The following ANKFN1 variants were observed in gnomAD, a reference collection of about 807,000 sequenced individuals.
ANKFN1 encodes ankyrin repeat and fibronectin type III domain containing 1, also known as ankyrin repeat and fibronectin type-III domain-containing protein 1.
A neutral mutation model predicts 108.7 loss-of-function variants in ANKFN1; 74 were observed. That is an observed-to-expected ratio of 0.68 (90% CI 0.56 to 0.83). The LOEUF is 0.83. Among genes scored for constraint, ANKFN1 ranks in the 40% least tolerant of loss-of-function variants. The pLI is 0.00. For synonymous variants in ANKFN1, 547 were observed against 516.2 expected, an observed-to-expected ratio of 1.06 and a Z score of -0.81; for missense variants, 1,505 against 1,382.3, an observed-to-expected ratio of 1.09 and a Z score of -1.41.
intron 14 of ANKFN1, among the ~76,000 whole-genome samples, chr17:56,460,270 T>C (rs561691328): frequency 2.1e-4 from 32 of 152,122 alleles, no homozygotes; most frequent in African/African-American, 7.5e-4. Flanking sequence ...CTGAGCAACA[T>C]GGCAAAACCC....
At position 56,288,084 on chromosome 17, in the gene ANKFN1, A is replaced by T. The variant is rs185817589; in HGVS notation, c.54-38137A>T. 3.2e-3 allele frequency among the ~76,000 whole-genome samples: 491 copies of T among 152,070 alleles called. 3 individuals carry two copies. The highest frequency in any genetic ancestry group is 0.011 in the African/African-American group (468 of 41,478). On this transcript the variant is annotated intron_variant, in intron 3 of 20. Coordinates refer to ENST00000682825, the MANE Select transcript of ANKFN1 (RefSeq NM_001370326.1). ...TTTTTTTTAATTTTAAAATTCTTTA[A>T]TCAATTTCCTAATTTTTCCACAATG...
intron 18 of ANKFN1, among the ~76,000 whole-genome samples, chr17:56,482,815 A>G (rs568641388): frequency 1.3e-5 from 2 of 152,208 alleles, no homozygotes; most frequent in South Asian, 4.1e-4. Context: ...CTTTCTTAAA[A>G]CGTAAATATA....
At chr17:56,201,033 C>A (rs1260077981) in intron 1 of ANKFN1, among the ~76,000 whole-genome samples, 1 of 152,142 alleles carries the variant, frequency 6.6e-6, no homozygotes, top group Non-Finnish European at 1.5e-5. Context: ...AATGGTGGAG[C>A]CCTCACAGTC....
At chr17:56,462,185 G>A (rs1488717997) in intron 14 of ANKFN1, 3 of 152,254 alleles carry the variant, frequency 2.0e-5, no homozygotes, top group Non-Finnish European at 4.4e-5. Context: ...GGTGAGGGAG[G>A]TAAGAGCGGT....
chr17:56,368,850 T>C (rs1350247243), intron 6 of ANKFN1, among the ~76,000 whole-genome samples: 1 of 152,210 alleles, frequency 6.6e-6, no homozygotes, highest in African/African-American at 2.4e-5. Context: ...CTGAGGTGTA[T>C]ACATAAGAAT....
intron 4 of ANKFN1, among the ~76,000 whole-genome samples, chr17:56,143,377 G>A (rs142849502): frequency 5.9e-5 from 9 of 152,178 alleles, no homozygotes; most frequent in Non-Finnish European, 1.2e-4. Context: ...CACACAAGCA[G>A]CCCCTCCTTG....
At chr17:56,390,887 C>T (rs369817830) in intron 8 of ANKFN1, among the ~76,000 whole-genome samples, 2 of 152,094 alleles carry the variant, frequency 1.3e-5, no homozygotes, top group East Asian at 3.9e-4. Flanking sequence ...CCAGGCCTAT[C>T]ATAAGTGCTA....
At chr17:56,402,747 T>C (rs759360430) in intron 8 of ANKFN1, among the ~76,000 whole-genome samples, 3 of 152,126 alleles carry the variant, frequency 2.0e-5, no homozygotes, top group Admixed American at 6.6e-5. Context: ...TCTGCTGTGT[T>C]TGGGTTTGGT....
At chr17:56,446,202 C>T (rs2049281727) in intron 10 of ANKFN1, among the ~76,000 whole-genome samples, 2 of 152,254 alleles carry the variant, frequency 1.3e-5, no homozygotes, top group South Asian at 4.1e-4. Flanking sequence ...AAGAGACAGG[C>T]CTATTTCAGC....
At chr17:56,081,064 T>C (rs1488540027) in intron 4 of ANKFN1, among the ~76,000 whole-genome samples, 2 of 152,128 alleles carry the variant, frequency 1.3e-5, no homozygotes, top group Non-Finnish European at 2.9e-5. Flanking sequence ...TTGCCTCCTT[T>C]TAAAATGATT....
intron 8 of ANKFN1, among the ~76,000 whole-genome samples, chr17:56,404,936 G>A (rs762384719): frequency 6.6e-6 from 1 of 152,176 alleles, no homozygotes; most frequent in Non-Finnish European, 1.5e-5. Flanking sequence ...TCTCTTCTGG[G>A]TCTAGCAACC....
At chr17:56,376,946 G>A (rs1355518283) in intron 8 of ANKFN1, among the ~76,000 whole-genome samples, 2 of 151,968 alleles carry the variant, frequency 1.3e-5, no homozygotes, top group Non-Finnish European at 2.9e-5. Context: ...TTAATTCAGG[G>A]GTTGAAGTAA....
At chr17:56,456,819 G>T (rs758715800) in intron 11 of ANKFN1, 42 bp from the exon 12 acceptor site, 1 of 1,536,256 alleles carries the variant, frequency 6.5e-7, no homozygotes, top group Non-Finnish European at 9.0e-7. Flanking sequence ...GTGTTGATCT[G>T]CCCAGTGGAA....
At chr17:56,117,701 G>A (rs551950349) in intron 4 of ANKFN1, among the ~76,000 whole-genome samples, 24 of 152,060 alleles carry the variant, frequency 1.6e-4, no homozygotes, top group Non-Finnish European at 3.1e-4. Context: ...AGACTCTTCC[G>A]TTTTCTTGTT....
intron 1 of ANKFN1, among the ~76,000 whole-genome samples, chr17:56,172,936 A>G (rs1046149498): frequency 3.3e-5 from 5 of 152,162 alleles, no homozygotes; most frequent in African/African-American, 1.2e-4. Context: ...CTTAGCTCTT[A>G]GCAAACGTCA....
At chr17:56,469,391 G>T (rs1462972208) in intron 15 of ANKFN1, among the ~76,000 whole-genome samples, 5 of 152,086 alleles carry the variant, frequency 3.3e-5, no homozygotes, top group African/African-American at 1.2e-4. Context: ...TCAACATAAA[G>T]GGAGAGATAG....
chr17:56,409,064 A>G (rs1356876622), intron 8 of ANKFN1, among the ~76,000 whole-genome samples: 1 of 149,194 alleles, frequency 6.7e-6, no homozygotes, highest in African/African-American at 2.4e-5. Context: ...AGCTGAGATT[A>G]AAGGCGCCTG....
chr17:56,350,437 C>T (rs1328872526), intron 4 of ANKFN1, among the ~76,000 whole-genome samples: 2 of 152,118 alleles, frequency 1.3e-5, no homozygotes. Flanking sequence ...GAGACACTTC[C>T]TCACTTGGGA....
At chr17:56,420,284 C>T (rs901074082) in intron 8 of ANKFN1, among the ~76,000 whole-genome samples, 21 of 152,172 alleles carry the variant, frequency 1.4e-4, no homozygotes, top group African/African-American at 5.1e-4. Flanking sequence ...TAAAATTACA[C>T]CTCTATTATC....
Sources: gnomAD v4.1 joint callset for allele counts (sites outside exome capture counted in the v4.1 genomes callset) on GRCh38, gnomAD v4.1.1 for gene constraint, MANE v1.5 for transcripts, NCBI Gene and HGNC (gene_info 2026-07-23, HGNC 2026-07-21) for gene names.